NCOA1: variants seen among roughly 807,000 people sequenced by gnomAD.
NCOA1 encodes Hin-2 protein.
A neutral mutation model predicts 150.9 loss-of-function variants in NCOA1; 35 were observed. That is an observed-to-expected ratio of 0.23 (90% CI 0.18 to 0.31). The LOEUF (loss-of-function observed/expected upper bound fraction) is 0.31. Among genes scored for constraint, NCOA1 ranks in the 10% least tolerant of loss-of-function variants. The probability of loss-of-function intolerance (pLI) is 1.00; values close to 1 mark genes in which losing one functional copy is unlikely to be tolerated. For missense variants in NCOA1, 1,491 were observed against 1,749.3 expected (o/e 0.85, Z 2.63); for synonymous variants, 590 against 630.0 (o/e 0.94, Z 0.95).
intron 1 of NCOA1, among the ~76,000 whole-genome samples, chr2:24,555,123 G>A (rs903046341): frequency 1.3e-5 from 2 of 152,106 alleles, no homozygotes; most frequent in African/African-American, 4.8e-5. Flanking sequence ...GGACTTCCGA[G>A]AGGAAAAGGC....
chr2:24,763,615 TC>T (rs1239493461), intron 22 of NCOA1, among the ~76,000 whole-genome samples: 1 of 124,442 alleles, frequency 8.0e-6, no homozygotes, highest in Admixed American at 8.0e-5. Flanking sequence ...GGTCTCTCTC[TC>T]TTTTTTTTTT....
intron 1 of NCOA1, among the ~76,000 whole-genome samples, chr2:24,551,713 C>A (rs1036142644): frequency 2.0e-5 from 3 of 152,114 alleles, no homozygotes; most frequent in Non-Finnish European, 4.4e-5. Context: ...AGTTTACCAA[C>A]CCCTGGGCTA....
Position 24,726,652 on chromosome 2 carries a change from A to G in NCOA1, c.2663A>G (p.Gln888Arg), listed in dbSNP as rs891772505. 12 of 1,611,540 alleles carry G rather than the reference A, an allele frequency of 7.4e-6. No homozygotes were observed. The highest frequency in any genetic ancestry group is 1.7e-5 in the Admixed American group (1 of 59,652). ...NQFGQPGTGD[Q>R]IPWTNNTVTA... is the part of the protein sequence containing the mutation. ...TTTGGACAACCAGGAACAGGCGATC[A>G]GATTCCATGGACAAATAATACAGTG... The change falls in exon 15 of 23, where the codon CAG (glutamine) becomes CGG (arginine). Residue 888 changes from glutamine to arginine, a missense_variant. Gln to Arg is a conservative substitution (Grantham distance 43). Transcript: ENST00000348332.
chr2:24,665,886 A>G lies in NCOA1; in HGVS notation c.227A>G (p.Gln76Arg), dbSNP rs751932179. ...KCKILKKTVD[Q>R]IQLMKRMEQE... ...AAGATTTTGAAGAAAACAGTCGATC[A>G]GATACAGCTAATGAAGAGAATGGAA... is the stretch of plus-strand genomic sequence containing the variant. Residue 76 changes from glutamine to arginine, a missense_variant, in exon 6 of 23, where the codon CAG becomes CGG. By Grantham distance (43) the Gln-to-Arg change is conservative (BLOSUM62 1). This residue lies in a region of NCOA1 where 80 missense variants were observed against 163.0 expected (regional missense o/e 0.49). Transcript: ENST00000348332. 6.9e-6 allele frequency: 11 copies of G among 1,584,914 alleles called. No homozygotes were observed. Among genetic ancestry groups the G allele is most frequent in the Non-Finnish European group, 9.4e-6 (11 of 1,164,788 alleles).
At chr2:24,600,372 A>AT (rs1401972837) in intron 3 of NCOA1, among the ~76,000 whole-genome samples, 1 of 151,766 alleles carries the variant, frequency 6.6e-6, no homozygotes, top group African/African-American at 2.4e-5. Context: ...CGCCCTGCTA[A>AT]TTTTTTGTAT....
intron 7 of NCOA1, among the ~76,000 whole-genome samples, chr2:24,682,320 G>A (rs1672212482): frequency 6.6e-6 from 1 of 152,184 alleles, no homozygotes; most frequent in Non-Finnish European, 1.5e-5. Flanking sequence ...TGTGTGATAT[G>A]TGACTGTCTG....
At chr2:24,557,669 CA>C (rs1017480410) in intron 1 of NCOA1, among the ~76,000 whole-genome samples, 1 of 151,570 alleles carries the variant, frequency 6.6e-6, no homozygotes, top group African/African-American at 2.4e-5. Context: ...ATTATTAGTT[CA>C]AAAAAAGCCC....
At chr2:24,523,627 A>AAAAAAAAC in intron 1 of NCOA1, among the ~76,000 whole-genome samples, 1 of 129,590 alleles carries the variant, frequency 7.7e-6, no homozygotes, top group African/African-American at 2.8e-5. Context: ...AAAAAAAAAA[A>AAAAAAAAC]AAAGAAACTG....
chr2:24,658,517 T>G, intron 4 of NCOA1, 144 bp from the exon 5 acceptor site: 2 of 596,664 alleles, frequency 3.4e-6, no homozygotes, highest in Non-Finnish European at 6.0e-6. Flanking sequence ...ATGTAGATCT[T>G]CATGTTTTTA....
intron 1 of NCOA1, among the ~76,000 whole-genome samples, chr2:24,548,371 C>T (rs1328500673): frequency 6.6e-6 from 1 of 152,236 alleles, no homozygotes; most frequent in African/African-American, 2.4e-5. Flanking sequence ...ATTCAATTAC[C>T]TCCTACCAGG....
At chr2:24,654,742 G>A (rs374034623) in intron 4 of NCOA1, among the ~76,000 whole-genome samples, 2 of 151,962 alleles carry the variant, frequency 1.3e-5, no homozygotes, top group African/African-American at 2.4e-5. Flanking sequence ...CTCTGAACTC[G>A]TCACTTACTC....
At chr2:24,555,407 T>C (rs778974622) in intron 1 of NCOA1, among the ~76,000 whole-genome samples, 5 of 152,244 alleles carry the variant, frequency 3.3e-5, no homozygotes, top group Non-Finnish European at 7.3e-5. Context: ...GAATATTCCA[T>C]GTGCTCCTGA....
At chr2:24,658,555 T>TA in intron 4 of NCOA1, 106 bp from the exon 5 acceptor site, 1 of 724,600 alleles carries the variant, frequency 1.4e-6, no homozygotes, top group South Asian at 1.6e-5. Context: ...TATTCATTGA[T>TA]ATAGCACAAT....
chr2:24,669,229 C>G (rs11890063), intron 6 of NCOA1, among the ~76,000 whole-genome samples: 130 of 152,262 alleles, frequency 8.5e-4, no homozygotes, highest in African/African-American at 2.9e-3. Flanking sequence ...ACCCAAAATA[C>G]AATGGTTTTA....
chr2:24,588,758 A>G (rs975910101), intron 3 of NCOA1, among the ~76,000 whole-genome samples: 1 of 152,190 alleles, frequency 6.6e-6, no homozygotes, highest in African/African-American at 2.4e-5. Flanking sequence ...TGCCATCTTA[A>G]TTGAATGTCC....
At chr2:24,752,344 G>A (rs1664294621) in intron 20 of NCOA1, among the ~76,000 whole-genome samples, 188 bp downstream of exon 20, 1 of 152,180 alleles carries the variant, frequency 6.6e-6, no homozygotes, top group African/African-American at 2.4e-5. Context: ...GAGACAGAAA[G>A]CAGCACATAA....
intron 10 of NCOA1, among the ~76,000 whole-genome samples, chr2:24,696,914 G>A (rs947774532): frequency 7.3e-5 from 11 of 151,484 alleles, no homozygotes; most frequent in African/African-American, 2.7e-4. Flanking sequence ...GTATTATTTT[G>A]TGTGACTGTA....
At chr2:24,728,231 A>T in intron 15 of NCOA1, 77 bp from the exon 16 acceptor site, 1 of 1,306,390 alleles carries the variant, frequency 7.7e-7, no homozygotes, top group Non-Finnish European at 1.0e-6. Context: ...CCAAATTTGC[A>T]TCTATATATG....
At chr2:24,618,745 G>GT (rs60329176) in intron 3 of NCOA1, among the ~76,000 whole-genome samples, 4,507 of 148,756 alleles carry the variant, frequency 0.03, 76 homozygotes, top group African/African-American at 0.054. Flanking sequence ...CAGTTCATTG[G>GT]TTTTTTTTTT....
Sources: gnomAD v4.1 joint callset for allele counts (sites outside exome capture counted in the v4.1 genomes callset) on GRCh38, gnomAD v4.1.1 for gene constraint, gnomAD v4.1.1 regional missense constraint, MANE v1.5 for transcripts, NCBI Gene and HGNC (gene_info 2026-07-23, HGNC 2026-07-21) for gene names.